The following KALRN variants were observed in gnomAD, a reference collection of about 807,000 sequenced individuals.
KALRN encodes the protein kalirin RhoGEF kinase.
Under a neutral mutation model 353.7 loss-of-function variants are expected in KALRN, and 70 were observed. That is an observed-to-expected ratio of 0.20 (90% CI 0.16 to 0.24). The LOEUF is 0.24. Ranked by LOEUF, KALRN falls within the 10% of genes least tolerant of loss-of-function variation. KALRN has a pLI of 1.00. For synonymous variants in KALRN, 1,391 were observed against 1,434.8 expected (o/e 0.97, Z 0.69); for missense variants, 2,791 against 3,756.7 (o/e 0.74, Z 6.72).
chr3:124,401,957 G>A (rs1380845867), intron 13 of KALRN, among the ~76,000 whole-genome samples: 4 of 152,176 alleles, frequency 2.6e-5, no homozygotes, highest in Admixed American at 6.5e-5. Context: ...AACGAGAGGC[G>A]TGTTTATGCT....
intron 33 of KALRN, among the ~76,000 whole-genome samples, chr3:124,506,513 A>G (rs1003631687): frequency 6.6e-6 from 1 of 152,192 alleles, no homozygotes; most frequent in African/African-American, 2.4e-5. Context: ...TGCTAATTGC[A>G]GAGAGAGGTA....
At chr3:124,237,366 C>CTTTTTT (rs551869197) in intron 3 of KALRN, among the ~76,000 whole-genome samples, 38 of 135,642 alleles carry the variant, frequency 2.8e-4, no homozygotes, top group African/African-American at 1.0e-3. Context: ...TCATTTGATG[C>CTTTTTT]TTTTTTTTTT....
intron 6 of KALRN, among the ~76,000 whole-genome samples, chr3:124,299,657 T>G (rs2077113202): frequency 6.6e-6 from 1 of 152,170 alleles, no homozygotes; most frequent in African/African-American, 2.4e-5. Flanking sequence ...AGCTACCATA[T>G]AAGGTTGTTG....
chr3:124,345,671 T>A (rs2082187259), intron 9 of KALRN, among the ~76,000 whole-genome samples: 1 of 152,226 alleles, frequency 6.6e-6, no homozygotes, highest in Non-Finnish European at 1.5e-5. Flanking sequence ...CTTTTTTTCT[T>A]CATGATGATG....
At chr3:124,117,959 A>C (rs1227113442) in intron 1 of KALRN, among the ~76,000 whole-genome samples, 1 of 152,192 alleles carries the variant, frequency 6.6e-6, no homozygotes, top group African/African-American at 2.4e-5. Context: ...GGATTTAAAA[A>C]TTTTAGAAAT....
rs1252507260 is a variant in KALRN, at chr3:124,395,298, A to G, written c.2126A>G (p.Gln709Arg). 1 of 1,613,684 alleles carries G rather than the reference A, an allele frequency of 6.2e-7. No homozygotes were observed. Among genetic ancestry groups the G allele is most frequent in the Admixed American group, 1.7e-5 (1 of 59,944 alleles). ...AAGGAAGGCGAAGACCTTATCCAGC[A>G]GCTCAGGTCAGCGCCTCCCTCCCTC... ...VIKEGEDLIQ[Q>R]LRSAPPSLGE... Residue 709 changes from glutamine to arginine, a missense_variant, in exon 12 of 60, where the codon CAG (glutamine) becomes CGG (arginine). Around this residue, in one of 11 missense-constraint regions of KALRN, gnomAD observed 452 missense variants for 575.8 expected, o/e 0.78. Coordinates refer to ENST00000682506, the MANE Select transcript of KALRN (RefSeq NM_001388419.1).
At chr3:124,161,122 G>C (rs2069869348) in intron 1 of KALRN, among the ~76,000 whole-genome samples, 1 of 152,088 alleles carries the variant, frequency 6.6e-6, no homozygotes, top group Admixed American at 6.5e-5. Flanking sequence ...GGATTAAATG[G>C]TCAATAATAT....
chr3:124,506,582 A>G (rs2065257436), intron 33 of KALRN, among the ~76,000 whole-genome samples: 1 of 152,198 alleles, frequency 6.6e-6, no homozygotes. Context: ...GATCCTGGCT[A>G]AAGAATGCTT....
chr3:124,231,940 G>A (rs61021415), intron 2 of KALRN, among the ~76,000 whole-genome samples: 11,173 of 152,184 alleles, frequency 0.073, 466 homozygotes, highest in South Asian at 0.089. Flanking sequence ...TCCTTGGTAC[G>A]AAAGTCCTCC....
At chr3:124,661,479 A>C (rs1361945682) in intron 44 of KALRN, among the ~76,000 whole-genome samples, 1 of 152,104 alleles carries the variant, frequency 6.6e-6, no homozygotes, top group Non-Finnish European at 1.5e-5. Flanking sequence ...TTAGTTGAAA[A>C]CCTCTAGTGT....
At chr3:124,303,147 A>C (rs1283916721) in intron 6 of KALRN, among the ~76,000 whole-genome samples, 2 of 152,218 alleles carry the variant, frequency 1.3e-5, no homozygotes, top group African/African-American at 4.8e-5. Context: ...AATTATTAAC[A>C]TACCAAGAGT....
chr3:124,256,918 T>A (rs746408457), intron 3 of KALRN, among the ~76,000 whole-genome samples: 1 of 152,164 alleles, frequency 6.6e-6, no homozygotes, highest in East Asian at 1.9e-4. Flanking sequence ...GCAGCAATAC[T>A]GGGGAGGGAA....
chr3:124,387,949 C>G (rs2088657764), intron 11 of KALRN, among the ~76,000 whole-genome samples: 1 of 152,006 alleles, frequency 6.6e-6, no homozygotes, highest in African/African-American at 2.4e-5. Flanking sequence ...ATGAGGTCCC[C>G]TTTAAGTGAT....
Position 124,298,963 on chromosome 3 carries a change from G to A in KALRN, c.1092+50G>A, listed in dbSNP as rs1330386953. 2.5e-6 allele frequency: 4 copies of A among 1,610,302 alleles called. No homozygotes were observed. In the South Asian group the frequency reaches 4.4e-5, roughly 18 times the overall value. ...ACTGCCTCTGGGAGTGGGAGAGTGGGGAGAAGTGGGAGGAGGGACAGAAAC... is the reference window on the plus strand; with the variant it reads ...ACTGCCTCTGGGAGTGGGAGAGTGGAGAGAAGTGGGAGGAGGGACAGAAAC... On this transcript the variant is annotated intron_variant, in intron 6 of 59. Coordinates refer to ENST00000682506, the MANE Select transcript of KALRN (RefSeq NM_001388419.1).
chr3:124,522,510 G>A (rs12152270), intron 33 of KALRN, among the ~76,000 whole-genome samples: 38,387 of 151,926 alleles, frequency 0.25, 4,915 homozygotes, highest in East Asian at 0.31. Flanking sequence ...AGCTTCTCAT[G>A]GCATGTACCA....
At chr3:124,617,150 G>A (rs1374820004) in intron 34 of KALRN, among the ~76,000 whole-genome samples, 3 of 151,900 alleles carry the variant, frequency 2.0e-5, no homozygotes, top group African/African-American at 4.8e-5. Flanking sequence ...TGGGCAGCAC[G>A]GTGAAACCCT....
intron 1 of KALRN, among the ~76,000 whole-genome samples, chr3:124,124,221 G>T (rs1166131290): frequency 2.0e-5 from 3 of 152,222 alleles, no homozygotes; most frequent in African/African-American, 4.8e-5. Context: ...GAGTTTGGAA[G>T]AAGTTGATTC....
rs2075160092 is a variant in KALRN at position 124,193,718 on chromosome 3, T to C, written c.74-34272T>C. Among the ~76,000 whole-genome samples the C allele has an allele frequency of 2.0e-5, 3 of 152,234 alleles. No individual in the cohort carries two copies. The South Asian group carries it at 6.2e-4, about 32-fold the overall frequency. ...AGTCCAACCTGCCAGTGATGACCCC[T>C]CTTTAACCTTTGGTATATGCCCTCG... On this transcript the variant is annotated intron_variant, in intron 1 of 59. Coordinates refer to ENST00000682506, the MANE Select transcript of KALRN (RefSeq NM_001388419.1).
intron 34 of KALRN, among the ~76,000 whole-genome samples, chr3:124,577,362 C>G (rs2074215683): frequency 6.6e-6 from 1 of 152,028 alleles, no homozygotes; most frequent in African/African-American, 2.4e-5. Flanking sequence ...GGACTGAGCT[C>G]AGTAATGGTT....
Sources: allele counts gnomAD v4.1 joint callset (sites outside exome capture counted in the v4.1 genomes callset), GRCh38; gene constraint gnomAD v4.1.1; regional missense constraint gnomAD v4.1.1; transcripts MANE v1.5; gene names NCBI Gene and HGNC (gene_info 2026-07-23, HGNC 2026-07-21).